ADAT1: variants seen among roughly 807,000 people sequenced by gnomAD.
ADAT1 encodes adenosine deaminase tRNA specific 1, also known as tRNA-specific adenosine deaminase 1.
Under a neutral mutation model 58.6 loss-of-function variants are expected in ADAT1, and 58 were observed. The ratio of observed to expected loss-of-function variants is 0.99; its 90% confidence interval spans 0.80 to 1.23. ADAT1 has a LOEUF of 1.23. Ranked by LOEUF, ADAT1 falls within the 50% of genes most tolerant of loss-of-function variation. The probability of loss-of-function intolerance (pLI) is 0.00; values close to 1 mark genes in which losing one functional copy is unlikely to be tolerated. For synonymous variants in ADAT1, 254 were observed against 220.8 expected (o/e 1.15, Z -1.33); for missense variants, 741 against 608.6 (o/e 1.22, Z -2.29).
intron 3 of ADAT1, chr16:75,619,529 A>T (rs568840585): frequency 3.7e-5 from 16 of 429,376 alleles, no homozygotes; most frequent in African/African-American, 2.9e-4. Flanking sequence ...TCTCTTAAAA[A>T]AAAAAAAACC....
chr16:75,615,702 C>A (rs1182930574), intron 5 of ADAT1, among the ~76,000 whole-genome samples: 3 of 152,050 alleles, frequency 2.0e-5, no homozygotes. Flanking sequence ...ACTGGGATCA[C>A]CCCGGTCCTA....
chr16:75,606,060 G>T (rs1263014736), intron 8 of ADAT1, among the ~76,000 whole-genome samples: 2 of 149,032 alleles, frequency 1.3e-5, no homozygotes, highest in Non-Finnish European at 3.0e-5. Flanking sequence ...TTGGGGGGGG[G>T]GTCTCATTTT....
At chr16:75,617,003 G>A in intron 5 of ADAT1, 139 bp downstream of exon 5, 2 of 1,021,478 alleles carry the variant, frequency 2.0e-6, no homozygotes, top group Admixed American at 2.7e-5. Context: ...AAAAGGCACT[G>A]TCACTACTTG....
chr16:75,617,114 A>T (rs1597134013), intron 5 of ADAT1, 28 bp downstream of exon 5: 2 of 1,588,920 alleles, frequency 1.3e-6, no homozygotes, highest in South Asian at 1.1e-5. Context: ...TTCATGTAAC[A>T]TTAATCCAAA....
chr16:75,598,977 A>C lies in ADAT1; in HGVS notation c.*1239T>G, dbSNP rs1200065292. The C allele has an allele frequency of 1.0e-6, 1 of 985,268 alleles. No homozygotes were observed. Among genetic ancestry groups the C allele is most frequent in the Non-Finnish European group, 1.2e-6 (1 of 829,916 alleles). The allele number at this position is 985,268 out of a possible 1,614,324, so 61.0% of individuals were successfully genotyped here. A position where few individuals can be genotyped will look rare whatever the true frequency, so the allele number is the denominator to read the frequency against. On this transcript the variant is annotated 3_prime_UTR_variant, in exon 10 of 10. Transcript: ENST00000564657. ...AACATGGGAGCTTCCATTTTCAGTC[A>C]ATCATTCAAGGTCTGAAGTTGAGTG... is the stretch of plus-strand genomic sequence containing the variant.
At chr16:75,613,304 C>T (rs1243699773) in intron 5 of ADAT1, among the ~76,000 whole-genome samples, 1 of 152,132 alleles carries the variant, frequency 6.6e-6, no homozygotes, top group African/African-American at 2.4e-5. Context: ...AACCACGGTA[C>T]TAATGACATT....
chr16:75,613,464 G>A (rs1360404531), intron 5 of ADAT1, among the ~76,000 whole-genome samples: 5 of 152,056 alleles, frequency 3.3e-5, no homozygotes, highest in Non-Finnish European at 7.4e-5. Flanking sequence ...ACCACGACTG[G>A]CTAATGTTTG....
chr16:75,600,549 G>A (rs1427329239), intron 9 of ADAT1, among the ~76,000 whole-genome samples: 1 of 152,036 alleles, frequency 6.6e-6, no homozygotes, highest in African/African-American at 2.4e-5. Context: ...AGAAGCCAGG[G>A]GTAAAAAACA....
In ADAT1 at chr16:75,617,204, T is replaced by G. The variant is rs1170040245; in HGVS notation, c.362A>C (p.Gln121Pro). 1 of 1,613,936 alleles carries G rather than the reference T, an allele frequency of 6.2e-7. No individual in the cohort carries two copies. The highest frequency in any genetic ancestry group is 2.2e-5 in the East Asian group (1 of 44,902). Residue 121 changes from glutamine to proline, a missense_variant, in exon 5 of 10, where the codon CAA (glutamine) becomes CCA (proline). Transcript: ENST00000564657. The stretch of plus-strand genomic sequence containing the variant: ...TCGTCTAAGTTTCCACACTCCTTTT[T>G]GAGTTCCTGGGACAAAGATGCTATC... ...KEDSIFVPGT[Q>P]KGVWKLRRDL...
intron 3 of ADAT1, 76 bp downstream of exon 3, chr16:75,620,190 C>A: frequency 1.4e-6 from 2 of 1,467,400 alleles, no homozygotes. Flanking sequence ...CATGGCCCCT[C>A]TTCCCTGACA....
rs900594850 is a variant in ADAT1, at chr16:75,608,297, G to A, written c.1216C>T (p.Gln406Ter). The A allele has an allele frequency of 1.4e-5, 22 of 1,613,894 alleles. No individual in the cohort carries two copies. The highest frequency in any genetic ancestry group is 1.9e-5 in the Non-Finnish European group (22 of 1,179,930). Residue 406 changes from glutamine to a stop codon, truncating the protein, a stop_gained, in exon 8 of 10, where the codon CAG becomes TAG. Coordinates refer to ENST00000564657, the MANE Select transcript of ADAT1 (RefSeq NM_001324445.2). LOFTEE classifies it high-confidence loss of function. ...AAISWSAVPE[Q>*]PLDVTANGFP... ...CCATTGGCAGTAACATCCAAAGGCT[G>A]CTCAGGAACTGCACTCCAGCTGATG...
rs188909244 is a variant in ADAT1 at position 75,620,119 on chromosome 16, G to A, written c.238+147C>T. ...TGGTGGATTTCCATTCTCCAAGTGA[G>A]TACGGTCCTTCCAACTGGACTGATA... On this transcript the variant is annotated intron_variant, in intron 3 of 9. Transcript: ENST00000564657. The A allele has an allele frequency of 6.7e-4, 490 of 732,500 alleles. 7 individuals are homozygous for A. In the Admixed American group the frequency reaches 0.01, roughly 15 times the overall value. 45.4% of individuals were successfully genotyped at this position (732,500 alleles called of 1,614,324 possible).
Position 75,598,495 on chromosome 16 carries a change from A to G in ADAT1, c.*1721T>C, listed in dbSNP as rs2081129868. On this transcript the variant is annotated 3_prime_UTR_variant, in exon 10 of 10. Coordinates refer to ENST00000564657, the MANE Select transcript of ADAT1 (RefSeq NM_001324445.2). The stretch of plus-strand genomic sequence containing the variant: ...AATGTTCTAAAATTGATGGTTGCAC[A>G]ACTCTGTGGATATACTAAAAAAATT... 6.6e-6 allele frequency among the ~76,000 whole-genome samples: 1 copy of G among 151,798 alleles called. No homozygotes were observed. Among genetic ancestry groups the G allele is most frequent in the Non-Finnish European group, 1.5e-5 (1 of 67,946 alleles).
At chr16:75,615,221 A>G (rs2081661894) in intron 5 of ADAT1, among the ~76,000 whole-genome samples, 1 of 152,006 alleles carries the variant, frequency 6.6e-6, no homozygotes, top group African/African-American at 2.4e-5. Flanking sequence ...CACTTAAAAA[A>G]AAACTCTCAT....
intron 6 of ADAT1, 44 bp downstream of exon 6, chr16:75,612,199 C>T: frequency 3.8e-6 from 6 of 1,590,894 alleles, no homozygotes; most frequent in East Asian, 2.2e-5. Context: ...CTCAGACTGC[C>T]TCTTGGAATG....
intron 4 of ADAT1, 76 bp downstream of exon 4, chr16:75,618,509 CA>C (rs535021597): frequency 0.097 from 74,865 of 773,150 alleles, 2 homozygotes; most frequent in Non-Finnish European, 0.11. Context: ...CTGTCCCCCC[CA>C]AAAAAAAAAA....
chr16:75,622,073 C>A (rs1170531447), intron 1 of ADAT1, among the ~76,000 whole-genome samples: 1 of 152,174 alleles, frequency 6.6e-6, no homozygotes, highest in Non-Finnish European at 1.5e-5. Flanking sequence ...TCGCTTGAAC[C>A]CGGGAGGCGG....
intron 9 of ADAT1, among the ~76,000 whole-genome samples, chr16:75,601,548 G>C (rs1429451948): frequency 2.6e-5 from 4 of 151,942 alleles, no homozygotes; most frequent in African/African-American, 9.7e-5. Context: ...CCCGAGGTCA[G>C]TAGTTCAAGA....
intron 5 of ADAT1, among the ~76,000 whole-genome samples, 155 bp downstream of exon 5, chr16:75,616,987 G>A (rs1157998425): frequency 6.6e-6 from 1 of 152,198 alleles, no homozygotes; most frequent in Non-Finnish European, 1.5e-5. Context: ...ACACTAGCCT[G>A]TCATAAAAAG....
Sources: gnomAD v4.1 joint callset for allele counts (sites outside exome capture counted in the v4.1 genomes callset) on GRCh38, gnomAD v4.1.1 for gene constraint, MANE v1.5 for transcripts, NCBI Gene and HGNC (gene_info 2026-07-23, HGNC 2026-07-21) for gene names.